The following PTCH2 variants were observed in gnomAD, a reference collection of about 807,000 sequenced individuals.
The protein encoded by PTCH2 is protein patched homolog 2.
In PTCH2, 96 loss-of-function variants were observed where a neutral mutation model predicts 117.9. The observed-to-expected ratio is 0.81, with a 90% CI of 0.69 to 0.96. The LOEUF (loss-of-function observed/expected upper bound fraction) is 0.96, where lower values mean the gene tolerates loss of function less well. Among genes scored for constraint, PTCH2 ranks in the 50% least tolerant of loss-of-function variants. The pLI, the probability that PTCH2 is intolerant of heterozygous loss-of-function variation, is 0.00. For missense variants in PTCH2, 1,379 were observed against 1,562.5 expected (o/e 0.88, Z 1.98); for synonymous variants, 615 against 660.9 (o/e 0.93, Z 1.06).
At chr1:44,824,660 G>A (rs542362789) in intron 19 of PTCH2, among the ~76,000 whole-genome samples, 161 of 152,156 alleles carry the variant, frequency 1.1e-3, no homozygotes, top group African/African-American at 3.3e-3. Flanking sequence ...ACCATGCCCA[G>A]CTAATTATTT....
intron 2 of PTCH2, among the ~76,000 whole-genome samples, chr1:44,840,302 T>TCCCC (rs1653889012): frequency 6.6e-6 from 1 of 150,960 alleles, no homozygotes; most frequent in South Asian, 2.1e-4. Context: ...GGGGTTTTAT[T>TCCCC]ATGTTGGCCA....
chr1:44,822,310 A>C lies in PTCH2; in HGVS notation c.*105T>G, dbSNP rs1295939301. On this transcript the variant is annotated 3_prime_UTR_variant, in exon 22 of 22. Coordinates refer to ENST00000372192, the MANE Select transcript of PTCH2 (RefSeq NM_003738.5). ...GCTGGGTCGGGAGAGGGGATGCAGCAGCAGCAGGGCCCTCCAGGGGTCCAT... is the reference window on the plus strand; with the variant it reads ...GCTGGGTCGGGAGAGGGGATGCAGCCGCAGCAGGGCCCTCCAGGGGTCCAT... 6 of 1,597,334 alleles carry C rather than the reference A, an allele frequency of 3.8e-6. No individual in the cohort carries two copies.
chr1:44,826,652 C>T lies in PTCH2; in HGVS notation c.2812G>A (p.Gly938Ser), dbSNP rs746898559. 22 of 1,611,882 alleles carry T rather than the reference C, an allele frequency of 1.4e-5. No homozygotes were observed. The highest frequency in any genetic ancestry group is 5.0e-5 in the Admixed American group (3 of 59,900). ...GGGTAGGCGTGCACCCCAGCCTGGC[C>T]GGCCTCTGCGCATGCTGCCCGGGCC... ...EGARAACAEAGQAGVHAYPSG... is the reference protein window; with the variant it reads ...EGARAACAEASQAGVHAYPSG... The change falls in exon 18 of 22, where the codon GGC becomes AGC. Residue 938 changes from glycine to serine, a missense_variant. Physicochemically the swap from Gly to Ser is moderately conservative, Grantham distance 56. Transcript: ENST00000372192. This position sits in a 1 kb window ranked among gnomAD's most constrained non-coding sequence, Gnocchi z 5.1.
In PTCH2 at chr1:44,822,140, T is replaced by C. The variant is rs539001875; in HGVS notation, c.*275A>G. Reference sequence around the variant, plus strand: ...CAGGCTTGGTCAGCTGGGCAGGCAGTGGTGTGGGGTGGGAAGGGGGACAGG... The same window carrying C: ...CAGGCTTGGTCAGCTGGGCAGGCAGCGGTGTGGGGTGGGAAGGGGGACAGG... On this transcript the variant is annotated 3_prime_UTR_variant, in exon 22 of 22. Coordinates refer to ENST00000372192, the MANE Select transcript of PTCH2 (RefSeq NM_003738.5). The C allele has an allele frequency of 3.9e-5, 55 of 1,405,836 alleles. No individual in the cohort carries two copies. In the African/African-American group the frequency reaches 7.7e-4, roughly 20 times the overall value. 87.1% of individuals were successfully genotyped at this position (1,405,836 alleles called of 1,614,324 possible).
rs915676725 is a variant in PTCH2, at chr1:44,831,450, T to C, written c.617+256A>G. On this transcript the variant is annotated intron_variant, in intron 5 of 21. Transcript: ENST00000372192. The surrounding 1 kb of genome is among the most constrained non-coding windows in gnomAD (Gnocchi z 4.3). ...CCCCAGCAAAGCCTCTTTGTGGGGA[T>C]CTTTTTCTCCTTTGCTCAGATCTTA... is the stretch of plus-strand genomic sequence containing the variant. Among the ~76,000 whole-genome samples, 3 of 152,202 alleles carry C rather than the reference T, an allele frequency of 2.0e-5. No individual in the cohort carries two copies. The highest frequency in any genetic ancestry group is 4.4e-5 in the Non-Finnish European group (3 of 68,032).
chr1:44,825,334 C>T (rs1328929068), intron 19 of PTCH2, among the ~76,000 whole-genome samples: 6 of 151,424 alleles, frequency 4.0e-5, no homozygotes, highest in African/African-American at 7.3e-5. Flanking sequence ...GATGGGGTTT[C>T]ACCATGTCGG....
At chr1:44,839,315 T>C (rs537844085) in intron 2 of PTCH2, among the ~76,000 whole-genome samples, 189 of 138,832 alleles carry the variant, frequency 1.4e-3, no homozygotes, top group African/African-American at 4.7e-3. Flanking sequence ...TGAGCCGAGA[T>C]TGCGTCACTG....
At position 44,828,082 on chromosome 1, in the gene PTCH2, C is replaced by T; in HGVS notation, c.1819G>A (p.Glu607Lys). The T allele has an allele frequency of 6.2e-7, 1 of 1,614,146 alleles. No individual in the cohort carries two copies. Among genetic ancestry groups the T allele is most frequent in the Non-Finnish European group, 8.5e-7 (1 of 1,180,014 alleles). Residue 607 changes from glutamate (E) to lysine (K), a missense_variant, in exon 14 of 22, where the codon GAA (glutamate) becomes AAA (lysine). Coordinates refer to ENST00000372192, the MANE Select transcript of PTCH2 (RefSeq NM_003738.5). ...GTGACCACATGCTGGCTGCTGGCTT[C>T]ACAGTGGGTAAAGGCTTGAACTGTG... ...TATVQAFTHC[E>K]ASSQHVVTIL...
chr1:44,823,025 C>A lies in PTCH2; in HGVS notation c.3357+44G>T. Reference sequence around the variant, plus strand: ...CTTCCCTTGCCTCTCCCTACCCCGTCCCTTGGGCTGGGAGTAGAGGGATGG... The same window carrying A: ...CTTCCCTTGCCTCTCCCTACCCCGTACCTTGGGCTGGGAGTAGAGGGATGG... On this transcript the variant is annotated intron_variant, in intron 21 of 21. Coordinates refer to ENST00000372192, the MANE Select transcript of PTCH2 (RefSeq NM_003738.5). The surrounding 1 kb of genome is among the most constrained non-coding windows in gnomAD (Gnocchi z 5.1). 6.3e-7 allele frequency: 1 copy of A among 1,585,392 alleles called. No homozygotes were observed. The highest frequency in any genetic ancestry group is 8.6e-7 in the Non-Finnish European group (1 of 1,162,334).
At position 44,829,955 on chromosome 1, in the gene PTCH2, A is replaced by G. The variant is rs1653356835; in HGVS notation, c.889T>C (p.Leu297=). 3.7e-6 allele frequency: 6 copies of G among 1,614,030 alleles called. No homozygotes were observed. The highest frequency in any genetic ancestry group is 5.1e-6 in the Non-Finnish European group (6 of 1,180,026). ...SHKFMHWQEE[L]LLGGMARDPQ... ...TCTCTGGCCATGCCTCCCAGCAGCA[A>G]TTCCTCCTGCCAGTGCATGAATTTG... is the stretch of plus-strand genomic sequence containing the variant. The change falls in exon 7 of 22, where the codon TTG becomes CTG. Residue 297 remains leucine, a synonymous_variant. Transcript: ENST00000372192.
At position 44,828,631 on chromosome 1, in the gene PTCH2, C is replaced by A; in HGVS notation, c.1465G>T (p.Glu489Ter). The change falls in exon 12 of 22, where the codon GAG (glutamate) becomes TAG (stop). Residue 489 changes from glutamate to a stop codon, truncating the protein, a stop_gained and splice_region_variant. Transcript: ENST00000372192. LOFTEE classifies it high-confidence loss of function. ...TEALPGTPLQ[E>*]RMGECLQRTG... Reference sequence around the variant, plus strand: ...CGCTGCAGACACTCGCCCATGCGCTCCTGCCAGGACAGAGTGGGGACCTGC... The same window carrying A: ...CGCTGCAGACACTCGCCCATGCGCTACTGCCAGGACAGAGTGGGGACCTGC... 1 of 1,611,732 alleles carries A rather than the reference C, an allele frequency of 6.2e-7. No individual in the cohort carries two copies. Among genetic ancestry groups the A allele is most frequent in the South Asian group, 1.1e-5 (1 of 90,702 alleles).
At chr1:44,828,730 G>C in intron 11 of PTCH2, 99 bp from the exon 12 acceptor site, 1 of 1,509,380 alleles carries the variant, frequency 6.6e-7, no homozygotes, top group Non-Finnish European at 9.0e-7. Flanking sequence ...TGCAGAGGTG[G>C]GGCAGTCATA....
rs2148877172 is a variant in PTCH2, at chr1:44,829,204, C to G, written c.1324G>C (p.Gly442Arg). 1 of 1,613,590 alleles carries G rather than the reference C, an allele frequency of 6.2e-7. No individual in the cohort carries two copies. Among genetic ancestry groups the G allele is most frequent in the South Asian group, 1.1e-5 (1 of 91,084 alleles). Residue 442 changes from glycine to arginine, a missense_variant, in exon 10 of 22, where the codon GGG becomes CGG. By Grantham distance (125) the Gly-to-Arg change is moderately radical. Coordinates refer to ENST00000372192, the MANE Select transcript of PTCH2 (RefSeq NM_003738.5). ...LVALAVASGL[G>R]LCALLGITFN... is the part of the protein sequence containing the mutation. ...GTGATGCCGAGCAGGGCACAGAGCCCAAGGCCTGAGGCCACCGCCAGGGCC... is the reference window on the plus strand; with the variant it reads ...GTGATGCCGAGCAGGGCACAGAGCCGAAGGCCTGAGGCCACCGCCAGGGCC...
rs752129680 is a variant in PTCH2 at position 44,832,341 on chromosome 1, A to G, written c.266T>C (p.Val89Ala). 6.2e-7 allele frequency: 1 copy of G among 1,614,014 alleles called. No individual in the cohort carries two copies. The highest frequency in any genetic ancestry group is 8.5e-7 in the Non-Finnish European group (1 of 1,180,020). ...CAGCTCCTGGCTCACCCGGCTGCCC[A>G]CTGCCAGAGCAAACAGAGAAAGCTG... ...ETNLEQLWVEVGSRVSQELHY... is the reference protein window; with the variant it reads ...ETNLEQLWVEAGSRVSQELHY... Residue 89 changes from valine to alanine, a missense_variant and splice_region_variant, in exon 3 of 22, where the codon GTG (valine) becomes GCG (alanine). By Grantham distance (64) the Val-to-Ala change is moderately conservative. Transcript: ENST00000372192.
In PTCH2 at chr1:44,831,009, G is replaced by T. The variant is rs757551998; in HGVS notation, c.652C>A (p.Pro218Thr). ...CCCAGCTCCTCCAGCAGCTGCTCTG[G>T]ATCCAGGTTGGTCCACTGGATATCC... ...RPDIQWTNLD[P>T]EQLLEELGPF... Residue 218 changes from proline (P) to threonine (T), a missense_variant, in exon 6 of 22, where the codon CCA becomes ACA. Pro to Thr is a conservative substitution (Grantham distance 38). Transcript: ENST00000372192. This position sits in a 1 kb window ranked among gnomAD's most constrained non-coding sequence, Gnocchi z 4.3. 1 of 1,612,158 alleles carries T rather than the reference G, an allele frequency of 6.2e-7. No homozygotes were observed. The highest frequency in any genetic ancestry group is 2.2e-5 in the East Asian group (1 of 44,874).
At chr1:44,838,569 T>C (rs1653787902) in intron 2 of PTCH2, among the ~76,000 whole-genome samples, 1 of 152,062 alleles carries the variant, frequency 6.6e-6, no homozygotes, top group African/African-American at 2.4e-5. Context: ...GAGAACAATC[T>C]GCCTCTGAAC....
chr1:44,842,847 C>A lies in PTCH2; in HGVS notation c.72+14G>T, dbSNP rs202169933. The A allele has an allele frequency of 7.8e-6, 12 of 1,547,618 alleles. No homozygotes were observed. The highest frequency in any genetic ancestry group is 9.6e-6 in the Non-Finnish European group (11 of 1,143,510). On this transcript the variant is annotated intron_variant, in intron 1 of 21. Coordinates refer to ENST00000372192, the MANE Select transcript of PTCH2 (RefSeq NM_003738.5). The stretch of plus-strand genomic sequence containing the variant: ...CTCCGCTCTCTTCCTTCTTCCAGCT[C>A]CCCCTCTACTCACCTGGGGTGCTGC...
intron 2 of PTCH2, among the ~76,000 whole-genome samples, chr1:44,837,209 TTC>T (rs1209535067): frequency 1.3e-5 from 2 of 152,150 alleles, no homozygotes; most frequent in African/African-American, 4.8e-5. Flanking sequence ...TTTCCTTTTC[TTC>T]TCTTTTCATG....
rs1652930456 is a variant in PTCH2, at chr1:44,822,027, A to T, written c.*388T>A. The T allele has an allele frequency of 6.8e-6, 9 of 1,317,552 alleles. No individual in the cohort carries two copies. The highest frequency in any genetic ancestry group is 5.5e-5 in the South Asian group (4 of 72,942). The allele number at this position is 1,317,552 out of a possible 1,614,324, so 81.6% of individuals were successfully genotyped here. ...GTATACTACAAAAATAGACATTTTC[A>T]TATAAATAATGGATGTGGTAGGAGG... is the stretch of plus-strand genomic sequence containing the variant. On this transcript the variant is annotated 3_prime_UTR_variant, in exon 22 of 22. Coordinates refer to ENST00000372192, the MANE Select transcript of PTCH2 (RefSeq NM_003738.5).
Sources: gnomAD v4.1 joint callset for allele counts (sites outside exome capture counted in the v4.1 genomes callset) on GRCh38, gnomAD v4.1.1 for gene constraint, Gnocchi (gnomAD v3.1) non-coding constraint, MANE v1.5 for transcripts, NCBI Gene and HGNC (gene_info 2026-07-23, HGNC 2026-07-21) for gene names.